The following TIAM2 variants were observed in gnomAD, a reference collection of about 807,000 sequenced individuals.
TIAM2 encodes the protein TIAM Rac1 associated GEF 2, also known as rho guanine nucleotide exchange factor TIAM2.
A neutral mutation model predicts 152.9 loss-of-function variants in TIAM2; 80 were observed. That is an observed-to-expected ratio of 0.52 (90% CI 0.44 to 0.63). The LOEUF is 0.63. Ranked by LOEUF, TIAM2 falls within the 30% of genes least tolerant of loss-of-function variation. The probability of loss-of-function intolerance (pLI) is 0.00; values close to 1 mark genes in which losing one functional copy is unlikely to be tolerated. For missense variants in TIAM2, 1,965 were observed against 2,120.1 expected, an observed-to-expected ratio of 0.93 and a Z score of 1.44; for synonymous variants, 804 against 838.0, an observed-to-expected ratio of 0.96 and a Z score of 0.70.
intron 1 of TIAM2, among the ~76,000 whole-genome samples, chr6:154,997,223 T>C (rs1778230091): frequency 6.6e-6 from 1 of 152,252 alleles, no homozygotes; most frequent in African/African-American, 2.4e-5. Flanking sequence ...CACGCATTCT[T>C]AATGTGTCAG....
chr6:155,104,056 CCCCA>C (rs1562316984), intron 2 of TIAM2, among the ~76,000 whole-genome samples: 1 of 55,628 alleles, frequency 1.8e-5, no homozygotes, highest in Non-Finnish European at 3.8e-5. Flanking sequence ...CCCCCCACAC[CCCCA>C]CACACCCCCA....
At chr6:155,059,280 TTCTGTGTG>T (rs1777514335) in intron 1 of TIAM2, among the ~76,000 whole-genome samples, 1 of 119,650 alleles carries the variant, frequency 8.4e-6, no homozygotes, top group African/African-American at 3.0e-5. Context: ...GAATGTCCCT[TTCTGTGTG>T]TGTGTCTGTG....
intron 15 of TIAM2, among the ~76,000 whole-genome samples, chr6:155,219,154 G>C (rs1781958626): frequency 6.6e-6 from 1 of 152,094 alleles, no homozygotes; most frequent in Non-Finnish European, 1.5e-5. Context: ...AAATGAACTA[G>C]AAACCGAAAG....
intron 15 of TIAM2, among the ~76,000 whole-genome samples, chr6:155,234,508 T>G (rs1191286054): frequency 6.6e-6 from 1 of 152,226 alleles, no homozygotes; most frequent in Non-Finnish European, 1.5e-5. Context: ...GCTCAAGCCA[T>G]CCTCCTGACT....
At chr6:155,116,520 A>C (rs2115016195) in intron 2 of TIAM2, among the ~76,000 whole-genome samples, 1 of 152,330 alleles carries the variant, frequency 6.6e-6, no homozygotes, top group South Asian at 2.1e-4. Flanking sequence ...TTTTAACTTA[A>C]ATGAAACAGT....
At chr6:155,149,921 A>T (rs1292212768) in intron 7 of TIAM2, among the ~76,000 whole-genome samples, 1 of 113,466 alleles carries the variant, frequency 8.8e-6, no homozygotes, top group Non-Finnish European at 2.0e-5. Flanking sequence ...ACTCTGTATA[A>T]AAAAAAAAAA....
chr6:155,232,202 A>G (rs1782505508), intron 15 of TIAM2, among the ~76,000 whole-genome samples: 1 of 152,094 alleles, frequency 6.6e-6, no homozygotes, highest in Admixed American at 6.5e-5. Context: ...TCTTTCTGTA[A>G]GTTAGACAGT....
At chr6:155,248,349 G>C (rs1783457675) in intron 20 of TIAM2, among the ~76,000 whole-genome samples, 170 bp downstream of exon 20, 1 of 152,250 alleles carries the variant, frequency 6.6e-6, no homozygotes, top group South Asian at 2.1e-4. Flanking sequence ...TGTGAAACTA[G>C]CTAGGCGTCT....
At chr6:155,192,080 G>A (rs904515610) in intron 14 of TIAM2, among the ~76,000 whole-genome samples, 5 of 152,114 alleles carry the variant, frequency 3.3e-5, no homozygotes, top group African/African-American at 1.2e-4. Context: ...CTGGAGGGAG[G>A]AGGGTCAGAA....
At chr6:155,168,719 C>T (rs992864195) in intron 9 of TIAM2, 27 of 767,918 alleles carry the variant, frequency 3.5e-5, no homozygotes, top group Middle Eastern at 4.8e-4. Context: ...AATAATGATA[C>T]AAATTGTGAT....
intron 6 of TIAM2, among the ~76,000 whole-genome samples, chr6:155,147,293 C>A (rs1452474227): frequency 6.6e-6 from 1 of 150,536 alleles, no homozygotes; most frequent in Non-Finnish European, 1.5e-5. Context: ...AGACAAGTAT[C>A]CTTTTATTTA....
At chr6:155,096,832 G>T (rs748925537) in intron 2 of TIAM2, among the ~76,000 whole-genome samples, 1 of 152,166 alleles carries the variant, frequency 6.6e-6, no homozygotes, top group Non-Finnish European at 1.5e-5. Flanking sequence ...ATACCTCTTT[G>T]ATATATTGGT....
intron 15 of TIAM2, among the ~76,000 whole-genome samples, chr6:155,226,386 T>TGAAATTTAAATGCTTAAAAAAATCTTTA (rs1782244228): frequency 6.6e-6 from 1 of 152,094 alleles, no homozygotes; most frequent in African/African-American, 2.4e-5. Flanking sequence ...TTGCTGATGG[T>TGAAATTTAAATGCTTAAAAAAATCTTTA]AGGTTGGGTG....
At chr6:155,158,275 A>T (rs1179573325) in intron 7 of TIAM2, among the ~76,000 whole-genome samples, 1 of 152,218 alleles carries the variant, frequency 6.6e-6, no homozygotes, top group Non-Finnish European at 1.5e-5. Context: ...ATTAGGCTTC[A>T]TCCCTCTCCC....
intron 15 of TIAM2, among the ~76,000 whole-genome samples, chr6:155,223,517 ATTTTTTTTTCTT>A (rs1409675845): frequency 1.4e-5 from 2 of 140,864 alleles, no homozygotes; most frequent in Non-Finnish European, 3.0e-5. Context: ...ACATCCCCAG[ATTTTTTTTTCTT>A]TTTTTTTTTT....
chr6:155,127,915 C>T (rs895985569), intron 3 of TIAM2, among the ~76,000 whole-genome samples: 3 of 152,180 alleles, frequency 2.0e-5, no homozygotes, highest in Non-Finnish European at 4.4e-5. Context: ...GCCTGTAGTT[C>T]CAGCTACTTG....
chr6:155,165,181 C>T, intron 8 of TIAM2, 82 bp from the exon 9 acceptor site: 1 of 1,425,074 alleles, frequency 7.0e-7, no homozygotes, highest in Non-Finnish European at 9.4e-7. Flanking sequence ...GCATTTATAG[C>T]AAGCAGAGCT....
Position 155,129,522 on chromosome 6 carries a change from G to A in TIAM2, c.299G>A (p.Gly100Glu). The change falls in exon 4 of 27, where the codon GGG becomes GAG. Residue 100 changes from glycine to glutamate, a missense_variant. Physicochemically the swap from Gly to Glu is moderately conservative, Grantham distance 98. This residue lies in a region of TIAM2 where 1,025 missense variants were observed against 1,119.4 expected (regional missense o/e 0.92). Transcript: ENST00000682666. This position sits in a 1 kb window ranked among gnomAD's most constrained non-coding sequence, Gnocchi z 4.8. The part of the protein sequence containing the change: ...AYSTHRTNAP[G>E]KDFQGISAAF... ...TCCACGCACAGGACAAATGCCCCAG[G>A]GAAGGATTTCCAGGGCATCAGTGCT... 1.2e-6 allele frequency: 2 copies of A among 1,614,130 alleles called. No homozygotes were observed. The highest frequency in any genetic ancestry group is 8.5e-7 in the Non-Finnish European group (1 of 1,180,028).
At chr6:155,254,823 A>C in intron 26 of TIAM2, 1 of 450,802 alleles carries the variant, frequency 2.2e-6, no homozygotes, top group Non-Finnish European at 4.1e-6. Context: ...TGTTTCTTCC[A>C]CTAAGATGTG....
Sources: allele counts gnomAD v4.1 joint callset (sites outside exome capture counted in the v4.1 genomes callset), GRCh38; gene constraint gnomAD v4.1.1; regional missense constraint gnomAD v4.1.1; non-coding constraint Gnocchi (gnomAD v3.1); transcripts MANE v1.5; gene names NCBI Gene and HGNC (gene_info 2026-07-23, HGNC 2026-07-21).